Variants in ZC3H3 observed in about 807,000 individuals in gnomAD.
The protein encoded by ZC3H3 is zinc finger CCCH-type containing 3.
ZC3H3 carries 36 observed loss-of-function variants against 77.3 expected under a neutral mutation model. The observed-to-expected ratio is 0.47, with a 90% CI of 0.36 to 0.61. The LOEUF is 0.61. Ranked by LOEUF, ZC3H3 falls within the 20% of genes least tolerant of loss-of-function variation. The probability of loss-of-function intolerance (pLI) is 0.00; values close to 1 mark genes in which losing one functional copy is unlikely to be tolerated. For synonymous variants in ZC3H3, 626 were observed against 555.2 expected, an observed-to-expected ratio of 1.13 and a Z score of -1.79; for missense variants, 1,331 against 1,312.2, an observed-to-expected ratio of 1.01 and a Z score of -0.22.
chr8:143,473,580 G>C (rs1430763227), intron 5 of ZC3H3, among the ~76,000 whole-genome samples: 1 of 152,234 alleles, frequency 6.6e-6, no homozygotes, highest in East Asian at 1.9e-4. Context: ...TCTAGGACCA[G>C]AGAGGAAAGC....
At chr8:143,536,512 C>T (rs192216906) in intron 2 of ZC3H3, 59 bp from the exon 3 acceptor site, 3 of 1,434,598 alleles carry the variant, frequency 2.1e-6, no homozygotes, top group African/African-American at 1.4e-5. Context: ...CCCACCCACC[C>T]TTCCTCACCA....
chr8:143,515,958 CA>C (rs568613518), intron 3 of ZC3H3, among the ~76,000 whole-genome samples: 330 of 152,356 alleles, frequency 2.2e-3, no homozygotes, highest in African/African-American at 7.1e-3. Context: ...AGCACCCTAG[CA>C]TCTAGCCAGC....
chr8:143,457,624 T>C (rs1820155707), intron 9 of ZC3H3, among the ~76,000 whole-genome samples: 1 of 152,118 alleles, frequency 6.6e-6, no homozygotes, highest in Non-Finnish European at 1.5e-5. Context: ...CTCAGCTACT[T>C]GGGAGGCTGA....
chr8:143,514,053 G>T (rs1297982950), intron 3 of ZC3H3, among the ~76,000 whole-genome samples: 1 of 152,170 alleles, frequency 6.6e-6, no homozygotes, highest in African/African-American at 2.4e-5. Context: ...GTAGCCTGGT[G>T]CTCACCCCTG....
chr8:143,527,097 C>T (rs1012810185), intron 3 of ZC3H3, among the ~76,000 whole-genome samples: 10 of 152,210 alleles, frequency 6.6e-5, no homozygotes, highest in South Asian at 2.1e-4. Context: ...CACTTGGCAA[C>T]GTGCCCCTGG....
intron 3 of ZC3H3, among the ~76,000 whole-genome samples, chr8:143,528,122 C>T (rs185258069): frequency 6.6e-6 from 1 of 152,296 alleles, no homozygotes. Flanking sequence ...TGGCACCCTC[C>T]CCCACTGCCA....
chr8:143,506,284 C>A (rs1188504457), intron 4 of ZC3H3, among the ~76,000 whole-genome samples: 2 of 152,218 alleles, frequency 1.3e-5, no homozygotes, highest in African/African-American at 4.8e-5. Flanking sequence ...GGACCCTCGA[C>A]GTCGGGCTGA....
intron 10 of ZC3H3, 109 bp downstream of exon 10, chr8:143,440,827 G>T: frequency 8.4e-7 from 1 of 1,196,972 alleles, no homozygotes; most frequent in Non-Finnish European, 1.1e-6. Flanking sequence ...CTGGTCTGAG[G>T]CCCAAAGAGC....
chr8:143,445,681 A>G, intron 9 of ZC3H3, among the ~76,000 whole-genome samples: 1 of 151,088 alleles, frequency 6.6e-6, no homozygotes, highest in African/African-American at 2.4e-5. Context: ...TGACACAGTG[A>G]CACCCTGTCT....
At chr8:143,441,257 G>A in intron 9 of ZC3H3, 137 bp from the exon 10 acceptor site, 1 of 945,090 alleles carries the variant, frequency 1.1e-6, no homozygotes. Context: ...GGGGCCAAAG[G>A]CTTCCTCTTG....
intron 9 of ZC3H3, among the ~76,000 whole-genome samples, chr8:143,461,823 GAA>G (rs1396026874): frequency 3.3e-5 from 5 of 151,966 alleles, no homozygotes; most frequent in Admixed American, 1.3e-4. Context: ...GACTGATGAT[GAA>G]AAGAGTGAGG....
At chr8:143,513,502 T>C (rs1821936973) in intron 3 of ZC3H3, among the ~76,000 whole-genome samples, 1 of 152,152 alleles carries the variant, frequency 6.6e-6, no homozygotes, top group Admixed American at 6.5e-5. Flanking sequence ...TCAGGCAGCG[T>C]CCCTGACAGT....
chr8:143,469,831 C>T (rs1006690282), intron 5 of ZC3H3, among the ~76,000 whole-genome samples: 4 of 152,206 alleles, frequency 2.6e-5, no homozygotes, highest in Non-Finnish European at 5.9e-5. Context: ...CTCAAATACG[C>T]GCATGATCCT....
intron 4 of ZC3H3, among the ~76,000 whole-genome samples, chr8:143,486,014 A>G (rs1378319198): frequency 2.0e-5 from 3 of 152,246 alleles, no homozygotes; most frequent in African/African-American, 7.2e-5. Context: ...TACCTGGGAC[A>G]GCTTCCAAAG....
At chr8:143,522,446 C>T (rs1218448420) in intron 3 of ZC3H3, among the ~76,000 whole-genome samples, 8 of 151,572 alleles carry the variant, frequency 5.3e-5, no homozygotes, top group Non-Finnish European at 1.0e-4. Flanking sequence ...CTACCAAAAA[C>T]ATAAAAATTA....
chr8:143,482,816 A>C (rs945394611), intron 4 of ZC3H3, among the ~76,000 whole-genome samples: 5 of 152,296 alleles, frequency 3.3e-5, no homozygotes, highest in Admixed American at 1.3e-4. Context: ...CCTCGGGGGC[A>C]TAAGTATGGT....
Position 143,539,160 on chromosome 8 carries a change from C to A in ZC3H3, c.207G>T (p.Ser69=). Residue 69 remains serine, a synonymous_variant, in exon 2 of 12, where the codon TCG becomes TCT. Coordinates refer to ENST00000262577, the MANE Select transcript of ZC3H3 (RefSeq NM_015117.3). ...TCACGAGGGAGTATTTCTTGCGCCA[C>A]GAAGGCCCATGGTGGGAAGAGTAGC... ...RRGYSSHHGP[S]WRKKYSLVNR... is the part of the protein sequence containing the mutation. 2.5e-6 allele frequency: 4 copies of A among 1,612,950 alleles called. No homozygotes were observed. The highest frequency in any genetic ancestry group is 3.4e-6 in the Non-Finnish European group (4 of 1,180,014).
chr8:143,495,368 A>ATC (rs1370458577), intron 4 of ZC3H3, among the ~76,000 whole-genome samples: 4 of 152,064 alleles, frequency 2.6e-5, no homozygotes, highest in Admixed American at 6.5e-5. Context: ...AGTGAGACTT[A>ATC]GAGGCACAGG....
At chr8:143,517,387 C>T (rs1013335080) in intron 3 of ZC3H3, among the ~76,000 whole-genome samples, 4 of 152,160 alleles carry the variant, frequency 2.6e-5, no homozygotes, top group African/African-American at 7.2e-5. Context: ...TGAACACAGG[C>T]CTTGGGCAGG....
Sources: allele counts gnomAD v4.1 joint callset (sites outside exome capture counted in the v4.1 genomes callset), GRCh38; gene constraint gnomAD v4.1.1; transcripts MANE v1.5; gene names NCBI Gene and HGNC (gene_info 2026-07-23, HGNC 2026-07-21).